EIF4EBP2: variants seen among roughly 807,000 people sequenced by gnomAD.
EIF4EBP2 encodes the protein eukaryotic translation initiation factor 4E-binding protein 2.
In EIF4EBP2, 5 loss-of-function variants were observed where a neutral mutation model predicts 10.3. That is an observed-to-expected ratio of 0.48 (90% CI 0.25 to 1.02). The LOEUF is 1.02. EIF4EBP2 is among the 50% of genes least tolerant of loss of function. The probability of loss-of-function intolerance (pLI) is 0.15; values close to 1 mark genes in which losing one functional copy is unlikely to be tolerated. For synonymous variants in EIF4EBP2, 67 were observed against 61.1 expected (o/e 1.10, Z -0.45); for missense variants, 188 against 162.2 (o/e 1.16, Z -0.86).
At chr10:70,420,247 T>C in intron 2 of EIF4EBP2, 148 bp downstream of exon 2, 1 of 714,244 alleles carries the variant, frequency 1.4e-6, no homozygotes, top group Non-Finnish European at 2.2e-6. Flanking sequence ...TCACTGAGGC[T>C]GGAGTGCAGT....
intron 1 of EIF4EBP2, among the ~76,000 whole-genome samples, chr10:70,416,390 C>T (rs943173104): frequency 7.9e-5 from 12 of 152,162 alleles, no homozygotes; most frequent in Middle Eastern, 3.4e-3. Flanking sequence ...ACCATCCTAG[C>T]CGACATGGTG....
intron 1 of EIF4EBP2, among the ~76,000 whole-genome samples, chr10:70,417,068 T>A (rs950511494): frequency 1.3e-5 from 2 of 152,216 alleles, no homozygotes; most frequent in African/African-American, 4.8e-5. Context: ...AACAACCCAT[T>A]TATCAGTTGA....
chr10:70,419,131 G>T (rs1418942963), intron 1 of EIF4EBP2, among the ~76,000 whole-genome samples: 1 of 152,142 alleles, frequency 6.6e-6, no homozygotes, highest in Non-Finnish European at 1.5e-5. Flanking sequence ...TTGTCTTTTT[G>T]ATAATAGCCA....
intron 1 of EIF4EBP2, among the ~76,000 whole-genome samples, chr10:70,410,515 A>G (rs1473713379): frequency 1.3e-5 from 2 of 152,238 alleles, no homozygotes; most frequent in Non-Finnish European, 2.9e-5. Context: ...GTTATTTGCC[A>G]TAGAGCTTTT....
chr10:70,409,749 AAC>A (rs930038296), intron 1 of EIF4EBP2, among the ~76,000 whole-genome samples: 12 of 152,218 alleles, frequency 7.9e-5, no homozygotes, highest in African/African-American at 2.9e-4. Context: ...AATGAGCAGA[AAC>A]AGAGACACCT....
intron 1 of EIF4EBP2, among the ~76,000 whole-genome samples, chr10:70,418,136 T>C (rs1400577067): frequency 6.6e-6 from 1 of 152,288 alleles, no homozygotes; most frequent in East Asian, 1.9e-4. Flanking sequence ...GGTGGGACCC[T>C]CATGATGGGA....
chr10:70,419,957 C>T lies in EIF4EBP2; in HGVS notation c.189C>T (p.Arg63=). ...IYDRKFLLDR[R]NSPMAQTPPC... ...ACAGAAAGTTTCTGTTGGATCGTCGCAATTCTCCCATGGCTCAGACCCCAC... is the reference window on the plus strand; with the variant it reads ...ACAGAAAGTTTCTGTTGGATCGTCGTAATTCTCCCATGGCTCAGACCCCAC... Residue 63 remains arginine, a synonymous_variant, in exon 2 of 3, where the codon CGC becomes CGT. Coordinates refer to ENST00000373218, the MANE Select transcript of EIF4EBP2 (RefSeq NM_004096.5). 5 of 1,599,320 alleles carry T rather than the reference C, an allele frequency of 3.1e-6. No individual in the cohort carries two copies. The highest frequency in any genetic ancestry group is 4.3e-6 in the Non-Finnish European group (5 of 1,175,752).
chr10:70,414,568 A>G (rs1003092144), intron 1 of EIF4EBP2, among the ~76,000 whole-genome samples: 5 of 152,214 alleles, frequency 3.3e-5, no homozygotes, highest in East Asian at 3.8e-4. Flanking sequence ...AAAGAGCCAT[A>G]TAGAAAAACC....
chr10:70,415,559 T>A (rs1296977215), intron 1 of EIF4EBP2, among the ~76,000 whole-genome samples: 1 of 152,124 alleles, frequency 6.6e-6, no homozygotes, highest in Non-Finnish European at 1.5e-5. Flanking sequence ...GACAGTGGGG[T>A]ACTAGCATAT....
chr10:70,411,618 C>G (rs1845045605), intron 1 of EIF4EBP2, among the ~76,000 whole-genome samples: 1 of 152,052 alleles, frequency 6.6e-6, no homozygotes, highest in Admixed American at 6.6e-5. Context: ...CCAAGCACGG[C>G]TAATTTTTAA....
At chr10:70,414,255 T>C (rs542018028) in intron 1 of EIF4EBP2, among the ~76,000 whole-genome samples, 1 of 152,318 alleles carries the variant, frequency 6.6e-6, no homozygotes, top group East Asian at 1.9e-4. Context: ...TCTTTTGAAT[T>C]ACACCCTAAA....
In EIF4EBP2 at chr10:70,404,219, AGCGGCGGCG is replaced by A. The variant is rs1167072271; in HGVS notation, c.-171_-163del. ...GCTGCTGGCTGAGGCCGGAGGATCG[AGCGGCGGCG>A]GCGGCGGCGGCTGAGAGGGCGGCGG... On this transcript the variant is annotated 5_prime_UTR_variant, in exon 1 of 3. Transcript: ENST00000373218. 6.6e-6 allele frequency among the ~76,000 whole-genome samples: 1 copy of A among 151,974 alleles called. No individual in the cohort carries two copies. The highest frequency in any genetic ancestry group is 6.5e-5 in the Admixed American group (1 of 15,274).
intron 1 of EIF4EBP2, among the ~76,000 whole-genome samples, chr10:70,416,911 CGTT>C (rs2137229926): frequency 6.6e-6 from 1 of 152,206 alleles, no homozygotes; most frequent in African/African-American, 2.4e-5. Flanking sequence ...AAGTAATACA[CGTT>C]GGCCTCCCAA....
chr10:70,420,849 C>T (rs1367024876), intron 2 of EIF4EBP2, among the ~76,000 whole-genome samples: 1 of 152,152 alleles, frequency 6.6e-6, no homozygotes, highest in African/African-American at 2.4e-5. Context: ...GGCTGGAGTG[C>T]AGTGGCACGA....
At chr10:70,418,978 C>T (rs1335749287) in intron 1 of EIF4EBP2, among the ~76,000 whole-genome samples, 2 of 152,140 alleles carry the variant, frequency 1.3e-5, no homozygotes, top group African/African-American at 4.8e-5. Flanking sequence ...CCTCACTTGG[C>T]TCTTTTTAAA....
At chr10:70,405,050 T>C (rs1197441856) in intron 1 of EIF4EBP2, among the ~76,000 whole-genome samples, 1 of 152,210 alleles carries the variant, frequency 6.6e-6, no homozygotes, top group Non-Finnish European at 1.5e-5. Flanking sequence ...ATGCGGAGTC[T>C]GGAAGCCTCG....
At chr10:70,420,506 T>G (rs1349173025) in intron 2 of EIF4EBP2, among the ~76,000 whole-genome samples, 1 of 152,128 alleles carries the variant, frequency 6.6e-6, no homozygotes, top group Admixed American at 6.5e-5. Context: ...TGGCCAATTC[T>G]TCAGTTAATA....
chr10:70,414,858 A>G (rs556531482), intron 1 of EIF4EBP2, among the ~76,000 whole-genome samples: 1 of 151,918 alleles, frequency 6.6e-6, no homozygotes, highest in African/African-American at 2.4e-5. Flanking sequence ...CAGAGGGAAA[A>G]TCCATCTCAA....
rs186452959 is a variant in EIF4EBP2, at chr10:70,408,696, G to A, written c.145+4150G>A. ...GTTAGGTATCGTTAGTAAATTTTGT[G>A]TGCCCAGGGGAGTGGTTCGCACAAA... is the stretch of plus-strand genomic sequence containing the variant. On this transcript the variant is annotated intron_variant, in intron 1 of 2. Coordinates refer to ENST00000373218, the MANE Select transcript of EIF4EBP2 (RefSeq NM_004096.5). Among the ~76,000 whole-genome samples the A allele has an allele frequency of 2.1e-3, 319 of 152,284 alleles. 2 individuals carry two copies. Among genetic ancestry groups the A allele is most frequent in the Non-Finnish European group, 3.2e-3 (217 of 68,026 alleles).
Sources: allele counts gnomAD v4.1 joint callset (sites outside exome capture counted in the v4.1 genomes callset), GRCh38; gene constraint gnomAD v4.1.1; transcripts MANE v1.5; gene names NCBI Gene and HGNC (gene_info 2026-07-23, HGNC 2026-07-21).